Variants in CACNA1A observed in about 807,000 individuals in gnomAD.
CACNA1A encodes the protein calcium voltage-gated channel subunit alpha1 A.
Under a neutral mutation model 262.4 loss-of-function variants are expected in CACNA1A, and 57 were observed. That is an observed-to-expected ratio of 0.22 (90% CI 0.18 to 0.27). The LOEUF is 0.27. Among genes scored for constraint, CACNA1A ranks in the 10% least tolerant of loss-of-function variants. CACNA1A has a pLI of 1.00. For missense variants in CACNA1A, 2,526 were observed against 3,562.8 expected, an observed-to-expected ratio of 0.71 and a Z score of 7.41; for synonymous variants, 1,431 against 1,419.3, an observed-to-expected ratio of 1.01 and a Z score of -0.18.
At chr19:13,286,183 T>A (rs1465523896) in intron 20 of CACNA1A, among the ~76,000 whole-genome samples, 1 of 152,040 alleles carries the variant, frequency 6.6e-6, no homozygotes. Context: ...AGAGAATCAA[T>A]CATCTGACCC....
At chr19:13,500,827 C>G (rs1982290385) in intron 1 of CACNA1A, among the ~76,000 whole-genome samples, 1 of 152,204 alleles carries the variant, frequency 6.6e-6, no homozygotes, top group South Asian at 2.1e-4. Context: ...AACTCTGGTC[C>G]ATCCATATCA....
Position 13,208,757 on chromosome 19 carries a change from T to A in CACNA1A, c.6779A>T (p.Gln2260Leu). 2 of 1,567,084 alleles carry A rather than the reference T, an allele frequency of 1.3e-6. No homozygotes were observed. Among genetic ancestry groups the A allele is most frequent in the East Asian group, 2.3e-5 (1 of 43,202 alleles). Residue 2260 changes from glutamine to leucine, a missense_variant and splice_region_variant, in exon 46 of 47, where the codon CAG becomes CTG. Transcript: ENST00000360228. ...GGGGTCACTTGCAGCCGCACCCACC[T>A]GCCGGTGCGCCATGTGCTCTCGGCC... ...SEGREHMAHR[Q>L]GSSSVSGSPA...
chr19:13,231,326 T>C (rs929239663), intron 35 of CACNA1A, among the ~76,000 whole-genome samples: 14 of 152,042 alleles, frequency 9.2e-5, no homozygotes, highest in African/African-American at 3.1e-4. Flanking sequence ...AAATATTTCA[T>C]TGAGTCTCAA....
intron 3 of CACNA1A, among the ~76,000 whole-genome samples, chr19:13,421,209 G>A (rs901940726): frequency 1.3e-5 from 2 of 152,160 alleles, no homozygotes; most frequent in Admixed American, 6.6e-5. Context: ...CTGCCAACCT[G>A]CATGGCTAAC....
At chr19:13,367,007 C>T (rs73501139) in intron 4 of CACNA1A, among the ~76,000 whole-genome samples, 4,417 of 152,178 alleles carry the variant, frequency 0.029, 208 homozygotes, top group African/African-American at 0.1. Flanking sequence ...AATGGCAGAA[C>T]TAGGCAGGGC....
chr19:13,369,600 A>T (rs1337669676), intron 4 of CACNA1A, among the ~76,000 whole-genome samples: 5 of 152,248 alleles, frequency 3.3e-5, no homozygotes, highest in African/African-American at 1.2e-4. Context: ...GAGAGAGTTC[A>T]CACACAGTGA....
At chr19:13,304,089 G>A (rs187759641) in intron 15 of CACNA1A, among the ~76,000 whole-genome samples, 11 of 152,170 alleles carry the variant, frequency 7.2e-5, no homozygotes, top group African/African-American at 2.4e-4. Context: ...CCGTTCCTGC[G>A]TCGTGGGGCT....
intron 19 of CACNA1A, among the ~76,000 whole-genome samples, chr19:13,297,734 G>A (rs1010521084): frequency 1.1e-4 from 17 of 152,048 alleles, no homozygotes; most frequent in Admixed American, 1.1e-3. Context: ...GATGGCTTGA[G>A]CCCGGGAGGT....
chr19:13,447,218 T>A (rs1222358451), intron 3 of CACNA1A, among the ~76,000 whole-genome samples: 1 of 152,160 alleles, frequency 6.6e-6, no homozygotes, highest in African/African-American at 2.4e-5. Context: ...ATATACACAA[T>A]TTTCTTCTTG....
rs199603194 is a variant in CACNA1A, at chr19:13,499,450, T to TG, written c.293+6481dup. On this transcript the variant is annotated intron_variant, in intron 1 of 46. Coordinates refer to ENST00000360228, the MANE Select transcript of CACNA1A (RefSeq NM_001127222.2). Reference sequence around the variant, plus strand: ...CACACTGACCAGTCGCAGGGGGTGGTGGGGGGGGGCACTTCGCTCCCATTC... The same window carrying TG: ...CACACTGACCAGTCGCAGGGGGTGGTGGGGGGGGGGCACTTCGCTCCCATTC... Among the ~76,000 whole-genome samples, 604 of 86,034 alleles carry TG rather than the reference T, an allele frequency of 7.0e-3. 10 individuals are homozygous for TG. Among genetic ancestry groups the TG allele is most frequent in the Middle Eastern group, 0.018 (3 of 164 alleles). The allele number at this position is 86,034 out of a possible 152,430, so 56.4% of individuals were successfully genotyped here.
chr19:13,260,281 C>T (rs933915828), intron 26 of CACNA1A: 2 of 149,080 alleles, frequency 1.3e-5, no homozygotes, highest in African/African-American at 4.9e-5. Flanking sequence ...ACATATAATA[C>T]ATATGTGTGT....
chr19:13,464,824 A>G (rs1353689710), intron 1 of CACNA1A, among the ~76,000 whole-genome samples: 1 of 152,194 alleles, frequency 6.6e-6, no homozygotes, highest in Non-Finnish European at 1.5e-5. Context: ...CTGGGATTAC[A>G]GGCGTGAGCC....
At chr19:13,410,263 G>A (rs2060086095) in intron 3 of CACNA1A, among the ~76,000 whole-genome samples, 1 of 151,086 alleles carries the variant, frequency 6.6e-6, no homozygotes, top group African/African-American at 2.4e-5. Context: ...GTCTTGCTCT[G>A]TTGTCCAGCC....
chr19:13,264,074 G>A (rs1422305217), intron 24 of CACNA1A, among the ~76,000 whole-genome samples: 1 of 152,158 alleles, frequency 6.6e-6, no homozygotes, highest in African/African-American at 2.4e-5. Context: ...AGAGAGGACT[G>A]CACAGAAGTT....
chr19:13,320,237 C>CGAGAGA (rs146095824), intron 10 of CACNA1A, among the ~76,000 whole-genome samples: 5,368 of 127,084 alleles, frequency 0.042, 220 homozygotes, highest in African/African-American at 0.1. Context: ...TTCCACAGAT[C>CGAGAGA]GAGAGAGAGA....
intron 22 of CACNA1A, among the ~76,000 whole-genome samples, chr19:13,279,497 T>G (rs1481668810): frequency 6.6e-6 from 1 of 152,140 alleles, no homozygotes; most frequent in Non-Finnish European, 1.5e-5. Context: ...TTTTTTAATT[T>G]TTTTTTGAGA....
At chr19:13,262,912 C>T in intron 24 of CACNA1A, 79 bp from the exon 25 acceptor site, 2 of 909,946 alleles carry the variant, frequency 2.2e-6, no homozygotes, top group Non-Finnish European at 1.8e-6. Flanking sequence ...CCCACAGCTC[C>T]ATGGGACCCT....
chr19:13,365,528 C>A, intron 4 of CACNA1A, 59 bp from the exon 5 acceptor site: 1 of 1,490,396 alleles, frequency 6.7e-7, no homozygotes. Flanking sequence ...CAAACCCCGC[C>A]ACCAAGACGC....
intron 1 of CACNA1A, among the ~76,000 whole-genome samples, chr19:13,467,001 A>C (rs2061257118): frequency 6.7e-6 from 1 of 149,522 alleles, no homozygotes; most frequent in African/African-American, 2.5e-5. Flanking sequence ...CTCCCAAAAC[A>C]CTGGGATTAC....
Sources: allele counts gnomAD v4.1 joint callset (sites outside exome capture counted in the v4.1 genomes callset), GRCh38; gene constraint gnomAD v4.1.1; transcripts MANE v1.5; gene names NCBI Gene and HGNC (gene_info 2026-07-23, HGNC 2026-07-21).